PLXNA2: variants seen among roughly 807,000 people sequenced by gnomAD.
PLXNA2 encodes the protein plexin A2, also known as plexin-A2.
A neutral mutation model predicts 193.5 loss-of-function variants in PLXNA2; 91 were observed. The ratio of observed to expected loss-of-function variants is 0.47; its 90% CI spans 0.40 to 0.56. PLXNA2 has a LOEUF of 0.56. PLXNA2 is among the 20% of genes least tolerant of loss of function. The pLI is 0.00. For missense variants in PLXNA2, 1,995 were observed against 2,503.2 expected, an observed-to-expected ratio of 0.80 and a Z score of 4.33; for synonymous variants, 997 against 1,027.3, an observed-to-expected ratio of 0.97 and a Z score of 0.56.
At chr1:208,195,917 T>A (rs1292548993) in intron 3 of PLXNA2, among the ~76,000 whole-genome samples, 1 of 151,796 alleles carries the variant, frequency 6.6e-6, no homozygotes, top group East Asian at 1.9e-4. Context: ...ATTTTACAGC[T>A]TCAAGAGGGG....
chr1:208,162,872 A>G (rs1487323690), intron 3 of PLXNA2, among the ~76,000 whole-genome samples: 1 of 152,234 alleles, frequency 6.6e-6, no homozygotes, highest in Admixed American at 6.5e-5. Context: ...ACCACTGTGC[A>G]CACTGCCTCT....
At position 208,210,289 on chromosome 1, in the gene PLXNA2, C is replaced by G. The variant is rs779518451; in HGVS notation, c.1362G>C (p.Lys454Asn). Residue 454 changes from lysine (K) to asparagine (N), a missense_variant, in exon 3 of 32, where the codon AAG (lysine) becomes AAC (asparagine). Coordinates refer to ENST00000367033, the MANE Select transcript of PLXNA2 (RefSeq NM_025179.4). Reference protein sequence around the residue: ...SVVFVGTKSGKLKKIRADGPP... With the variant: ...SVVFVGTKSGNLKKIRADGPP... ...ACTCATAGACTCTTACCTTTTTCAG[C>G]TTGCCACTCTTAGTCCCCACAAAAA... 1.9e-6 allele frequency: 3 copies of G among 1,613,774 alleles called. No individual in the cohort carries two copies. Among genetic ancestry groups the G allele is most frequent in the South Asian group, 2.2e-5 (2 of 91,064 alleles).
At chr1:208,135,881 A>G (rs1305092386) in intron 4 of PLXNA2, among the ~76,000 whole-genome samples, 4 of 152,204 alleles carry the variant, frequency 2.6e-5, no homozygotes, top group African/African-American at 9.7e-5. Flanking sequence ...GGAAGAGGCA[A>G]GCAGACCGAC....
At chr1:208,081,469 G>A (rs978221053) in intron 11 of PLXNA2, among the ~76,000 whole-genome samples, 1 of 152,124 alleles carries the variant, frequency 6.6e-6, no homozygotes, top group African/African-American at 2.4e-5. Context: ...GGAGTGTGGG[G>A]GATAGGAATA....
At chr1:208,152,168 G>A (rs963742826) in intron 3 of PLXNA2, among the ~76,000 whole-genome samples, 1 of 152,250 alleles carries the variant, frequency 6.6e-6, no homozygotes, top group Non-Finnish European at 1.5e-5. Context: ...TCCAGCTGTA[G>A]GGATGGGAAG....
At chr1:208,238,084 G>T (rs1213561504) in intron 1 of PLXNA2, among the ~76,000 whole-genome samples, 3 of 152,198 alleles carry the variant, frequency 2.0e-5, no homozygotes, top group Non-Finnish European at 2.9e-5. Context: ...ACAAGAGAAA[G>T]CCTGGGAGAA....
At chr1:208,094,143 T>C (rs1666800207) in intron 8 of PLXNA2, among the ~76,000 whole-genome samples, 1 of 152,254 alleles carries the variant, frequency 6.6e-6, no homozygotes, top group South Asian at 2.1e-4. Context: ...TCAGATAGAC[T>C]GGTTCTTGGT....
At chr1:208,088,939 T>C (rs1312962384) in intron 9 of PLXNA2, among the ~76,000 whole-genome samples, 1 of 152,242 alleles carries the variant, frequency 6.6e-6, no homozygotes, top group African/African-American at 2.4e-5. Flanking sequence ...ATTTATTTGA[T>C]GATCATAGGA....
intron 29 of PLXNA2, chr1:208,031,136 G>A (rs556424508): frequency 3.9e-5 from 39 of 999,196 alleles, no homozygotes; most frequent in African/African-American, 1.2e-4. Context: ...TTCACCGGGC[G>A]TCTCAGTTTA....
At chr1:208,198,701 C>A (rs1670439829) in intron 3 of PLXNA2, among the ~76,000 whole-genome samples, 1 of 152,212 alleles carries the variant, frequency 6.6e-6, no homozygotes. Context: ...AGCCCTTCCC[C>A]TCTTCTCTCG....
At chr1:208,132,142 T>C (rs1668177129) in intron 4 of PLXNA2, among the ~76,000 whole-genome samples, 1 of 152,262 alleles carries the variant, frequency 6.6e-6, no homozygotes, top group African/African-American at 2.4e-5. Context: ...GCATTTCCCC[T>C]GACTGTCCAT....
At chr1:208,138,164 T>C (rs1323062257) in intron 4 of PLXNA2, among the ~76,000 whole-genome samples, 8 of 152,238 alleles carry the variant, frequency 5.3e-5, no homozygotes, top group Non-Finnish European at 7.3e-5. Flanking sequence ...TTATGGTTTT[T>C]TTACTTTACA....
At chr1:208,179,730 C>T (rs1372278006) in intron 3 of PLXNA2, among the ~76,000 whole-genome samples, 2 of 152,160 alleles carry the variant, frequency 1.3e-5, no homozygotes, top group Non-Finnish European at 2.9e-5. Context: ...TTCAGCAAAT[C>T]CATAAATACC....
chr1:208,133,063 C>T (rs1668206369), intron 4 of PLXNA2, among the ~76,000 whole-genome samples: 1 of 152,124 alleles, frequency 6.6e-6, no homozygotes, highest in South Asian at 2.1e-4. Flanking sequence ...CCCCTCAGAC[C>T]TCTCATCTCC....
rs756541044 is a variant in PLXNA2 at position 208,098,964 on chromosome 1, G to A, written c.1613C>T (p.Ser538Phe). Residue 538 changes from serine (S) to phenylalanine (F), a missense_variant, in exon 6 of 32, where the codon TCC (serine) becomes TTC (phenylalanine). Physicochemically the swap from Ser to Phe is radical, Grantham distance 155 (BLOSUM62 -2). Around this residue, in one of 3 missense-constraint regions of PLXNA2, gnomAD observed 702 missense variants for 812.9 expected, o/e 0.86. Transcript: ENST00000367033. ...GGCCTGTTGGCATTTGTCCCTGCGGGAGCACCTGCCATAAACACAGATTCA... is the reference window on the plus strand; with the variant it reads ...GGCCTGTTGGCATTTGTCCCTGCGGAAGCACCTGCCATAAACACAGATTCA... ...CGWCALHNMC[S>F]RRDKCQQAWE... 7 of 1,611,590 alleles carry A rather than the reference G, an allele frequency of 4.3e-6. No homozygotes were observed. The highest frequency in any genetic ancestry group is 1.7e-5 in the Admixed American group (1 of 59,816).
chr1:208,212,560 A>G (rs1670996621), intron 2 of PLXNA2, among the ~76,000 whole-genome samples: 1 of 152,226 alleles, frequency 6.6e-6, no homozygotes, highest in Non-Finnish European at 1.5e-5. Flanking sequence ...GTTAGGGAAT[A>G]ACTGTGCATT....
In PLXNA2 at chr1:208,216,915, A is replaced by G; in HGVS notation, c.1008T>C (p.Phe336=). ...GCTTCTGCCCTTTGGAGAAGATGGCAAAGAGTACATCGTCCTGGCTGGTGA... is the reference window on the plus strand; with the variant it reads ...GCTTCTGCCCTTTGGAGAAGATGGCGAAGAGTACATCGTCCTGGCTGGTGA... ...FNITSQDDVL[F]AIFSKGQKQY... is the part of the protein sequence containing the mutation. The change falls in exon 2 of 32, where the codon TTT becomes TTC. Residue 336 remains phenylalanine, a synonymous_variant. Transcript: ENST00000367033. The G allele has an allele frequency of 6.2e-7, 1 of 1,614,208 alleles. No individual in the cohort carries two copies. The highest frequency in any genetic ancestry group is 8.5e-7 in the Non-Finnish European group (1 of 1,180,042).
intron 3 of PLXNA2, among the ~76,000 whole-genome samples, chr1:208,189,293 G>C (rs965732536): frequency 6.6e-6 from 1 of 152,132 alleles, no homozygotes; most frequent in Non-Finnish European, 1.5e-5. Context: ...ATCATGCCTG[G>C]GGAGGTGGTG....
intron 10 of PLXNA2, among the ~76,000 whole-genome samples, chr1:208,084,169 G>A (rs900911740): frequency 1.3e-5 from 2 of 152,208 alleles, no homozygotes; most frequent in Non-Finnish European, 2.9e-5. Context: ...CTGCCATGAG[G>A]GTCCTCACGG....
Sources: allele counts gnomAD v4.1 joint callset (sites outside exome capture counted in the v4.1 genomes callset), GRCh38; gene constraint gnomAD v4.1.1; regional missense constraint gnomAD v4.1.1; transcripts MANE v1.5; gene names NCBI Gene and HGNC (gene_info 2026-07-23, HGNC 2026-07-21).